NF2: variants seen among roughly 807,000 people sequenced by gnomAD.
NF2 encodes NF2, moesin-ezrin-radixin like (MERLIN) tumor suppressor, also known as merlin.
Under a neutral mutation model 83.7 loss-of-function variants are expected in NF2, and 8 were observed. The observed-to-expected ratio is 0.10, with a 90% CI of 0.06 to 0.17. The LOEUF is 0.17. NF2 is among the 10% of genes least tolerant of loss of function. NF2 has a pLI of 1.00. For missense variants in NF2, 533 were observed against 744.4 expected (o/e 0.72, Z 3.31); for synonymous variants, 266 against 269.6 (o/e 0.99, Z 0.13).
intron 12 of NF2, among the ~76,000 whole-genome samples, chr22:29,673,897 C>T (rs1281268902): frequency 1.3e-5 from 2 of 152,204 alleles, no homozygotes; most frequent in African/African-American, 2.4e-5. Flanking sequence ...CAGCAGCTGC[C>T]TACCTTTAAA....
chr22:29,643,039 T>G (rs1199134396), intron 4 of NF2, among the ~76,000 whole-genome samples: 1 of 152,088 alleles, frequency 6.6e-6, no homozygotes, highest in East Asian at 1.9e-4. Context: ...TTCAGTCATA[T>G]ATCACCTTCT....
chr22:29,624,870 T>TTTC, intron 1 of NF2, among the ~76,000 whole-genome samples: 1 of 143,758 alleles, frequency 7.0e-6, no homozygotes, highest in East Asian at 2.1e-4. Context: ...TCTTTCTTTC[T>TTTC]CTTTCTCTCC....
At chr22:29,628,820 G>A (rs1042506801) in intron 1 of NF2, among the ~76,000 whole-genome samples, 2 of 151,766 alleles carry the variant, frequency 1.3e-5, no homozygotes, top group Non-Finnish European at 2.9e-5. Context: ...TAGTAGAGAC[G>A]GGGTTTCACC....
At chr22:29,649,166 A>G (rs2066070075) in intron 4 of NF2, among the ~76,000 whole-genome samples, 1 of 152,238 alleles carries the variant, frequency 6.6e-6, no homozygotes, top group African/African-American at 2.4e-5. Context: ...GCCAGACACA[A>G]AAGGCCACAT....
At chr22:29,628,196 C>G (rs2531847) in intron 1 of NF2, among the ~76,000 whole-genome samples, 4 of 145,136 alleles carry the variant, frequency 2.8e-5, no homozygotes, top group Non-Finnish European at 6.0e-5. Context: ...ACACCCTTGC[C>G]TTCAAGGAGT....
At chr22:29,638,940 T>C in intron 2 of NF2, 150 bp from the exon 3 acceptor site, 1 of 1,132,030 alleles carries the variant, frequency 8.8e-7, no homozygotes, top group South Asian at 1.3e-5. Context: ...ACTTTGTGAA[T>C]ACTTCAAACT....
At position 29,695,016 on chromosome 22, in the gene NF2, C is replaced by A. The variant is rs1344801556; in HGVS notation, c.*214C>A. On this transcript the variant is annotated 3_prime_UTR_variant, in exon 16 of 16. Coordinates refer to ENST00000338641, the MANE Select transcript of NF2 (RefSeq NM_000268.4). The surrounding 1 kb of genome is among the most constrained non-coding windows in gnomAD (Gnocchi z 5.4). ...AGATTTCTCTCATGGCGTTCTAGTT[C>A]TCTGACCTGAGTCTTTGTTTTAAGA... 6 of 623,360 alleles carry A rather than the reference C, an allele frequency of 9.6e-6. No homozygotes were observed. The African/African-American group carries it at 1.1e-4, about 11-fold the overall frequency. The allele number at this position is 623,360 out of a possible 1,614,324, so 38.6% of individuals were successfully genotyped here. A position where few individuals can be genotyped will look rare whatever the true frequency, so the allele number is the denominator to read the frequency against.
rs527926852 is a variant in NF2, at chr22:29,641,453, T to G, written c.364-749T>G. Among the ~76,000 whole-genome samples the G allele has an allele frequency of 2.6e-5, 4 of 152,300 alleles. No homozygotes were observed. In the South Asian group the frequency reaches 8.3e-4, roughly 32 times the overall value. ...TGAAATGTTAAGGCATTTTTATGAC[T>G]GAGCAAGGCAAAATTTACTGCTTTT... is the stretch of plus-strand genomic sequence containing the variant. On this transcript the variant is annotated intron_variant, in intron 3 of 15. Coordinates refer to ENST00000338641, the MANE Select transcript of NF2 (RefSeq NM_000268.4).
intron 15 of NF2, among the ~76,000 whole-genome samples, chr22:29,688,013 ACT>A (rs1471302854): frequency 6.6e-6 from 1 of 151,794 alleles, no homozygotes; most frequent in Non-Finnish European, 1.5e-5. Context: ...CACTCCTACC[ACT>A]CTCACACACT....
At chr22:29,615,619 C>T (rs1034887768) in intron 1 of NF2, among the ~76,000 whole-genome samples, 2 of 152,106 alleles carry the variant, frequency 1.3e-5, no homozygotes, top group African/African-American at 2.4e-5. Context: ...TCTGTAGTCA[C>T]AGCTACTTGA....
At position 29,636,901 on chromosome 22, in the gene NF2, G is replaced by T. The variant is rs769393352; in HGVS notation, c.240+25G>T. 1 of 1,613,762 alleles carries T rather than the reference G, an allele frequency of 6.2e-7. No homozygotes were observed. The highest frequency in any genetic ancestry group is 1.1e-5 in the South Asian group (1 of 91,060). ...GGTTGGGCTAGAACTCGATGAAACT[G>T]GTGGGGCTGACGTGAGCTTTCCAGT... On this transcript the variant is annotated intron_variant, in intron 2 of 15. Coordinates refer to ENST00000338641, the MANE Select transcript of NF2 (RefSeq NM_000268.4). This position sits in a 1 kb window ranked among gnomAD's most constrained non-coding sequence, Gnocchi z 4.4.
chr22:29,656,388 G>A (rs1272423519), intron 6 of NF2, among the ~76,000 whole-genome samples: 1 of 147,758 alleles, frequency 6.8e-6, no homozygotes, highest in Admixed American at 6.7e-5. Context: ...AATTGTATGA[G>A]TAGTTCTGGG....
intron 1 of NF2, among the ~76,000 whole-genome samples, chr22:29,632,707 C>G (rs754757514): frequency 6.6e-6 from 1 of 152,182 alleles, no homozygotes; most frequent in Non-Finnish European, 1.5e-5. Context: ...TTGAAGTAGT[C>G]AAGTCCGTCC....
rs191874359 is a variant in NF2, at chr22:29,669,062, G to C, written c.999+616G>C. On this transcript the variant is annotated intron_variant, in intron 10 of 15. Transcript: ENST00000338641. The stretch of plus-strand genomic sequence containing the variant: ...GCTGAGAATATCAATTGTGTTTTTG[G>C]ATAAACTACTAGATAGAGTAGCAGC... Among the ~76,000 whole-genome samples the C allele has an allele frequency of 5.9e-3, 901 of 152,296 alleles. 5 individuals carry two copies. The highest frequency in any genetic ancestry group is 0.012 in the Admixed American group (183 of 15,300).
chr22:29,645,944 G>A (rs1208618767), intron 4 of NF2, among the ~76,000 whole-genome samples: 1 of 152,164 alleles, frequency 6.6e-6, no homozygotes, highest in Non-Finnish European at 1.5e-5. Context: ...ACAAATAAAG[G>A]TAATCTATGG....
intron 8 of NF2, among the ~76,000 whole-genome samples, chr22:29,662,202 C>T (rs756840247): frequency 8.5e-5 from 13 of 152,274 alleles, no homozygotes; most frequent in East Asian, 1.9e-4. Flanking sequence ...CACATGATCA[C>T]GGCTCACTGC....
chr22:29,680,115 A>G (rs918016471), intron 14 of NF2, among the ~76,000 whole-genome samples: 21 of 146,404 alleles, frequency 1.4e-4, no homozygotes, highest in African/African-American at 5.3e-4. Flanking sequence ...ACCTCCTGAC[A>G]CTTTTTTTTT....
At chr22:29,638,538 G>T (rs1257794087) in intron 2 of NF2, among the ~76,000 whole-genome samples, 1 of 151,970 alleles carries the variant, frequency 6.6e-6, no homozygotes, top group African/African-American at 2.4e-5. Context: ...TTTTAGTAGA[G>T]ATGGGGTTTC....
chr22:29,647,558 G>T (rs1380144922), intron 4 of NF2, among the ~76,000 whole-genome samples: 2 of 152,190 alleles, frequency 1.3e-5, no homozygotes, highest in Non-Finnish European at 2.9e-5. Flanking sequence ...CCTGGTGAGA[G>T]AATATTAGGT....
Sources: allele counts gnomAD v4.1 joint callset (sites outside exome capture counted in the v4.1 genomes callset), GRCh38; gene constraint gnomAD v4.1.1; non-coding constraint Gnocchi (gnomAD v3.1); transcripts MANE v1.5; gene names NCBI Gene and HGNC (gene_info 2026-07-23, HGNC 2026-07-21).